The following SIPA1L1 variants were observed in gnomAD, a reference collection of about 807,000 sequenced individuals.
The protein encoded by SIPA1L1 is signal-induced proliferation-associated 1-like protein 1.
Under a neutral mutation model 162.7 loss-of-function variants are expected in SIPA1L1, and 26 were observed. The observed-to-expected ratio is 0.16, with a 90% CI of 0.12 to 0.22. The LOEUF (loss-of-function observed/expected upper bound fraction) is 0.22, where lower values mean the gene tolerates loss of function less well. Among genes scored for constraint, SIPA1L1 ranks in the 10% least tolerant of loss-of-function variants. The probability of loss-of-function intolerance (pLI) is 1.00; values close to 1 mark genes in which losing one functional copy is unlikely to be tolerated. For synonymous variants in SIPA1L1, 829 were observed against 837.4 expected, an observed-to-expected ratio of 0.99 and a Z score of 0.17; for missense variants, 1,874 against 2,241.0, an observed-to-expected ratio of 0.84 and a Z score of 3.31.
At chr14:71,576,866 C>T (rs1297487405) in intron 4 of SIPA1L1, among the ~76,000 whole-genome samples, 1 of 151,990 alleles carries the variant, frequency 6.6e-6, no homozygotes, top group Non-Finnish European at 1.5e-5. Context: ...AGCTGGATCA[C>T]GAGGTCAGGA....
chr14:71,661,501 A>T, intron 10 of SIPA1L1, 34 bp downstream of exon 10: 1 of 1,597,520 alleles, frequency 6.3e-7, no homozygotes, highest in Non-Finnish European at 8.6e-7. Context: ...GGCTCTGTGG[A>T]TGTTGGCTGG....
chr14:71,337,928 A>G (rs1348789593), intron 2 of SIPA1L1, among the ~76,000 whole-genome samples: 1 of 152,236 alleles, frequency 6.6e-6, no homozygotes, highest in Non-Finnish European at 1.5e-5. Flanking sequence ...CCTGGGCAGC[A>G]GAGTGAGACC....
chr14:71,580,170 C>A (rs571722498), intron 4 of SIPA1L1, among the ~76,000 whole-genome samples: 2 of 152,284 alleles, frequency 1.3e-5, no homozygotes, highest in East Asian at 3.9e-4. Flanking sequence ...ATCAGTACTA[C>A]CAGGTTCTTC....
chr14:71,698,666 C>T (rs752698790), intron 13 of SIPA1L1, among the ~76,000 whole-genome samples: 5 of 152,222 alleles, frequency 3.3e-5, no homozygotes. Context: ...TTCTGCTCTG[C>T]CATACTAGGA....
chr14:71,408,055 G>A (rs2042151659), intron 2 of SIPA1L1, among the ~76,000 whole-genome samples: 1 of 152,196 alleles, frequency 6.6e-6, no homozygotes, highest in Admixed American at 6.5e-5. Flanking sequence ...GATGTGAGTT[G>A]TTATTAATGA....
chr14:71,544,262 G>A (rs903799994), intron 4 of SIPA1L1, among the ~76,000 whole-genome samples: 2 of 104,960 alleles, frequency 1.9e-5, no homozygotes, highest in Non-Finnish European at 5.0e-5. Flanking sequence ...ATATACACAT[G>A]ATATGTGTAT....
At chr14:71,367,004 C>T (rs1595042182) in intron 2 of SIPA1L1, among the ~76,000 whole-genome samples, 1 of 152,148 alleles carries the variant, frequency 6.6e-6, no homozygotes, top group Non-Finnish European at 1.5e-5. Flanking sequence ...CAGAATAATG[C>T]CCAGAGGTCA....
chr14:71,427,547 G>A (rs1385481743), intron 2 of SIPA1L1, among the ~76,000 whole-genome samples: 1 of 152,152 alleles, frequency 6.6e-6, no homozygotes, highest in African/African-American at 2.4e-5. Context: ...CTCTCACAAT[G>A]TATGTGTTGC....
intron 2 of SIPA1L1, among the ~76,000 whole-genome samples, chr14:71,478,750 G>C (rs557971808): frequency 1.4e-4 from 21 of 152,166 alleles, no homozygotes; most frequent in African/African-American, 5.1e-4. Context: ...ATTAGAATAG[G>C]ACGTACTTCC....
chr14:71,338,425 T>C (rs2035310337), intron 2 of SIPA1L1, among the ~76,000 whole-genome samples: 1 of 152,136 alleles, frequency 6.6e-6, no homozygotes, highest in African/African-American at 2.4e-5. Context: ...CTGGTCCAGG[T>C]GCTTGCAGTT....
rs1329184730 is a variant in SIPA1L1, at chr14:71,561,858, A to T, written c.-302-25713A>T. Reference sequence around the variant, plus strand: ...TGCCTCAGCCTCCCAAAGTGCTGGGATTACTGGCGTGAGCCACCATGCCCG... The same window carrying T: ...TGCCTCAGCCTCCCAAAGTGCTGGGTTTACTGGCGTGAGCCACCATGCCCG... On this transcript the variant is annotated intron_variant, in intron 4 of 23. Coordinates refer to ENST00000381232, the MANE Select transcript of SIPA1L1 (RefSeq NM_001386936.1). Among the ~76,000 whole-genome samples the T allele has an allele frequency of 2.6e-5, 4 of 152,346 alleles. No homozygotes were observed. The East Asian group carries it at 7.7e-4, about 29-fold the overall frequency.
intron 2 of SIPA1L1, among the ~76,000 whole-genome samples, chr14:71,358,328 G>A (rs768766718): frequency 6.6e-6 from 1 of 152,188 alleles, no homozygotes; most frequent in African/African-American, 2.4e-5. Flanking sequence ...AAAATAAGCT[G>A]CAAAAATGGA....
chr14:71,362,636 AAATT>A (rs1276954647), intron 2 of SIPA1L1, among the ~76,000 whole-genome samples: 2 of 152,210 alleles, frequency 1.3e-5, no homozygotes, highest in Non-Finnish European at 2.9e-5. Flanking sequence ...CATGTATCTC[AAATT>A]AATTATTTCC....
At chr14:71,547,715 A>ACT (rs1390428500) in intron 4 of SIPA1L1, among the ~76,000 whole-genome samples, 1 of 152,010 alleles carries the variant, frequency 6.6e-6, no homozygotes, top group African/African-American at 2.4e-5. Flanking sequence ...CAGTAGGATG[A>ACT]CTCTCTAACT....
At chr14:71,443,051 A>C (rs2045041429) in intron 2 of SIPA1L1, among the ~76,000 whole-genome samples, 1 of 152,244 alleles carries the variant, frequency 6.6e-6, no homozygotes, top group African/African-American at 2.4e-5. Context: ...GGTTATTGGA[A>C]TATCATTTAG....
intron 16 of SIPA1L1, among the ~76,000 whole-genome samples, chr14:71,708,526 T>C (rs1438650907): frequency 6.6e-6 from 1 of 152,154 alleles, no homozygotes; most frequent in African/African-American, 2.4e-5. Flanking sequence ...GGTTTTGCTG[T>C]GTTACCCAGA....
intron 2 of SIPA1L1, among the ~76,000 whole-genome samples, chr14:71,387,275 A>AG (rs2040409618): frequency 6.7e-6 from 1 of 149,098 alleles, no homozygotes; most frequent in Admixed American, 6.7e-5. Flanking sequence ...AAAAAAAAAA[A>AG]AGAAAGACTG....
Position 71,467,734 on chromosome 14 carries a change from G to T in SIPA1L1, c.-464-45009G>T, listed in dbSNP as rs572829292. On this transcript the variant is annotated intron_variant, in intron 2 of 23. Transcript: ENST00000381232. ...ACCAGACTGTCTGGATTCAAATCTT[G>T]ACTGGGCATGGTGGCTTATGCCTGT... 5.9e-5 allele frequency among the ~76,000 whole-genome samples: 9 copies of T among 151,784 alleles called. No homozygotes were observed. The East Asian group carries it at 1.4e-3, about 23-fold the overall frequency.
chr14:71,653,180 C>G (rs898137206), intron 8 of SIPA1L1, among the ~76,000 whole-genome samples: 6 of 152,004 alleles, frequency 3.9e-5, no homozygotes, highest in East Asian at 1.9e-4. Context: ...CTAACTTAGC[C>G]CTACTACTAA....
Sources: gnomAD v4.1 joint callset for allele counts (sites outside exome capture counted in the v4.1 genomes callset) on GRCh38, gnomAD v4.1.1 for gene constraint, MANE v1.5 for transcripts, NCBI Gene and HGNC (gene_info 2026-07-23, HGNC 2026-07-21) for gene names.